The following CHCHD3 variants were observed in gnomAD, a reference collection of about 807,000 sequenced individuals.
The protein encoded by CHCHD3 is coiled-coil-helix-coiled-coil-helix domain containing 3.
Under a neutral mutation model 38.2 loss-of-function variants are expected in CHCHD3, and 20 were observed. The ratio of observed to expected loss-of-function variants is 0.52; its 90% CI spans 0.37 to 0.76. The LOEUF is 0.76. Among genes scored for constraint, CHCHD3 ranks in the 30% least tolerant of loss-of-function variants. The pLI, the probability that CHCHD3 is intolerant of heterozygous loss-of-function variation, is 0.00. For missense variants in CHCHD3, 245 were observed against 279.2 expected (o/e 0.88, Z 0.87); for synonymous variants, 82 against 100.0 (o/e 0.82, Z 1.07).
intron 2 of CHCHD3, chr7:133,034,492 A>T: frequency 4.5e-6 from 4 of 888,260 alleles, no homozygotes; most frequent in Non-Finnish European, 3.3e-6. Context: ...AAGTCCTTTC[A>T]GCAATTGGAT....
chr7:132,785,352 G>A lies in CHCHD3; in HGVS notation c.*285C>T, dbSNP rs1806287295. 2.3e-6 allele frequency: 1 copy of A among 427,310 alleles called. No individual in the cohort carries two copies. Among genetic ancestry groups the A allele is most frequent in the Non-Finnish European group, 4.2e-6 (1 of 238,892 alleles). 26.5% of individuals were successfully genotyped at this position (427,310 alleles called of 1,614,324 possible). A position where few individuals can be genotyped will look rare whatever the true frequency, so the allele number is the denominator to read the frequency against. On this transcript the variant is annotated 3_prime_UTR_variant, in exon 8 of 8. Transcript: ENST00000262570. ...ATGGTCAGTGCAAGTTGAATAGAAA[G>A]TACCAAAAGGTGGAGAGGGCTGCCC...
chr7:133,073,551 C>T (rs1814890087), intron 1 of CHCHD3, among the ~76,000 whole-genome samples: 1 of 152,112 alleles, frequency 6.6e-6, no homozygotes. Flanking sequence ...CCTTCCTTAC[C>T]TCATTAATGA....
At chr7:132,921,108 T>C (rs1235070439) in intron 4 of CHCHD3, among the ~76,000 whole-genome samples, 1 of 152,204 alleles carries the variant, frequency 6.6e-6, no homozygotes, top group African/African-American at 2.4e-5. Context: ...TGGAATATCA[T>C]TAAGTATAGA....
At chr7:132,977,776 CT>C (rs1013830500) in intron 3 of CHCHD3, among the ~76,000 whole-genome samples, 39 of 151,696 alleles carry the variant, frequency 2.6e-4, no homozygotes, top group East Asian at 2.5e-3. Context: ...AAAATTACTA[CT>C]TTTTTTTTCC....
chr7:133,076,014 G>A (rs1212557217), intron 1 of CHCHD3, among the ~76,000 whole-genome samples: 2 of 133,546 alleles, frequency 1.5e-5, no homozygotes, highest in East Asian at 2.2e-4. Context: ...AGCCGAGATC[G>A]CACCACTGCA....
chr7:132,795,643 T>C (rs1420411863), intron 7 of CHCHD3, among the ~76,000 whole-genome samples: 2 of 152,224 alleles, frequency 1.3e-5, no homozygotes, highest in African/African-American at 4.8e-5. Flanking sequence ...ACTTAAACAC[T>C]AGATTTAGTT....
intron 2 of CHCHD3, among the ~76,000 whole-genome samples, chr7:133,034,273 CTT>C (rs903837566): frequency 1.2e-4 from 19 of 152,190 alleles, no homozygotes; most frequent in African/African-American, 4.3e-4. Context: ...CCTGAATTAA[CTT>C]ATAATAATTC....
At chr7:132,919,034 G>A (rs889790565) in intron 4 of CHCHD3, among the ~76,000 whole-genome samples, 1 of 148,852 alleles carries the variant, frequency 6.7e-6, no homozygotes, top group Non-Finnish European at 1.5e-5. Flanking sequence ...TCAGATAAGA[G>A]CTTATACTGT....
chr7:132,988,330 C>T (rs1312723352), intron 3 of CHCHD3, among the ~76,000 whole-genome samples: 2 of 151,508 alleles, frequency 1.3e-5, no homozygotes, highest in Non-Finnish European at 2.9e-5. Context: ...CACAAATATA[C>T]AGATACCATT....
At chr7:132,841,490 G>A (rs1296118193) in intron 5 of CHCHD3, among the ~76,000 whole-genome samples, 6 of 150,624 alleles carry the variant, frequency 4.0e-5, no homozygotes, top group Non-Finnish European at 8.9e-5. Context: ...TGAGAGAACG[G>A]ATAACTACTG....
chr7:132,853,654 C>T (rs1484238581), intron 5 of CHCHD3, among the ~76,000 whole-genome samples: 3 of 151,934 alleles, frequency 2.0e-5, no homozygotes, highest in Admixed American at 2.0e-4. Flanking sequence ...CTACAATGCT[C>T]ACTCTTTTAA....
At chr7:132,952,644 G>T (rs1159010511) in intron 4 of CHCHD3, among the ~76,000 whole-genome samples, 1 of 152,158 alleles carries the variant, frequency 6.6e-6, no homozygotes, top group Non-Finnish European at 1.5e-5. Flanking sequence ...ATAAACATAG[G>T]CCATATAGAG....
rs1039324241 is a variant in CHCHD3, at chr7:132,788,022, G to GA, written c.661-2363dup. Among the ~76,000 whole-genome samples the GA allele has an allele frequency of 5.3e-5, 8 of 152,124 alleles. No homozygotes were observed. The highest frequency in any genetic ancestry group is 1.9e-4 in the African/African-American group (8 of 41,422). On this transcript the variant is annotated intron_variant, in intron 7 of 7. Coordinates refer to ENST00000262570, the MANE Select transcript of CHCHD3 (RefSeq NM_017812.4). The surrounding 1 kb of genome is among the most constrained non-coding windows in gnomAD (Gnocchi z 4.0). ...ATGTTCGCTGGGAAAATAACACGCT[G>GA]AGCACCCACCATGTAAGAGACACCA... is the stretch of plus-strand genomic sequence containing the variant.
chr7:132,958,895 AG>A (rs1263846635), intron 4 of CHCHD3, among the ~76,000 whole-genome samples: 1 of 152,250 alleles, frequency 6.6e-6, no homozygotes, highest in Non-Finnish European at 1.5e-5. Flanking sequence ...ACAAACTGAC[AG>A]GTATCACCAC....
intron 5 of CHCHD3, among the ~76,000 whole-genome samples, chr7:132,856,480 T>C (rs1808345214): frequency 6.6e-6 from 1 of 152,216 alleles, no homozygotes; most frequent in Non-Finnish European, 1.5e-5. Flanking sequence ...GGGTGAATAA[T>C]GTGAATTAGG....
At chr7:132,863,688 T>C (rs1268435006) in intron 5 of CHCHD3, among the ~76,000 whole-genome samples, 1 of 152,244 alleles carries the variant, frequency 6.6e-6, no homozygotes, top group Non-Finnish European at 1.5e-5. Context: ...GAAAATCTGT[T>C]GTTCAGTGTA....
chr7:132,789,169 C>A (rs1806396528), intron 7 of CHCHD3, among the ~76,000 whole-genome samples: 1 of 152,120 alleles, frequency 6.6e-6, no homozygotes, highest in Non-Finnish European at 1.5e-5. Flanking sequence ...TTCAACGCTG[C>A]ATAAATTTAA....
intron 5 of CHCHD3, chr7:132,847,153 G>A (rs1293924456): frequency 2.0e-5 from 3 of 152,202 alleles, no homozygotes; most frequent in African/African-American, 7.2e-5. Context: ...CAGGGTGGAG[G>A]AAGGGGGAGG....
intron 5 of CHCHD3, among the ~76,000 whole-genome samples, chr7:132,878,429 C>T (rs1808968802): frequency 6.6e-6 from 1 of 152,178 alleles, no homozygotes; most frequent in African/African-American, 2.4e-5. Flanking sequence ...AAAGACATGT[C>T]ATCTGCCATA....
Sources: allele counts gnomAD v4.1 joint callset (sites outside exome capture counted in the v4.1 genomes callset), GRCh38; gene constraint gnomAD v4.1.1; non-coding constraint Gnocchi (gnomAD v3.1); transcripts MANE v1.5; gene names NCBI Gene and HGNC (gene_info 2026-07-23, HGNC 2026-07-21).